CDH12: variants seen among roughly 807,000 people sequenced by gnomAD.
CDH12 encodes cadherin-12.
In CDH12, 41 loss-of-function variants were observed where a neutral mutation model predicts 74.1. The observed-to-expected ratio is 0.55, with a 90% confidence interval of 0.43 to 0.72. The LOEUF (loss-of-function observed/expected upper bound fraction) is 0.72. Among genes scored for constraint, CDH12 ranks in the 30% least tolerant of loss-of-function variants. The pLI is 0.00. For missense variants in CDH12, 945 were observed against 977.2 expected (o/e 0.97, Z 0.44); for synonymous variants, 399 against 355.0 (o/e 1.12, Z -1.39).
chr5:22,357,757 G>T (rs2150470412), intron 3 of CDH12, among the ~76,000 whole-genome samples: 1 of 152,120 alleles, frequency 6.6e-6, no homozygotes, highest in East Asian at 1.9e-4. Flanking sequence ...TTTTCCCTCA[G>T]GTGGAGAATA....
At chr5:22,664,669 C>T (rs1019767051) in intron 1 of CDH12, among the ~76,000 whole-genome samples, 1 of 152,090 alleles carries the variant, frequency 6.6e-6, no homozygotes, top group Non-Finnish European at 1.5e-5. Flanking sequence ...TTCCTGTGTT[C>T]ACTTAAATTC....
chr5:22,276,396 C>T (rs918496312), intron 3 of CDH12, among the ~76,000 whole-genome samples: 1 of 152,092 alleles, frequency 6.6e-6, no homozygotes, highest in South Asian at 2.1e-4. Flanking sequence ...GTTTCAAGCT[C>T]AATATGTCTT....
At chr5:21,833,175 A>ATATATAT (rs1554035485) in intron 8 of CDH12, among the ~76,000 whole-genome samples, 17 of 41,198 alleles carry the variant, frequency 4.1e-4, no homozygotes, top group Admixed American at 9.0e-4. Flanking sequence ...TATATTATAA[A>ATATATAT]TATATATTAT....
At chr5:22,375,249 G>C (rs1741470861) in intron 3 of CDH12, among the ~76,000 whole-genome samples, 1 of 152,038 alleles carries the variant, frequency 6.6e-6, no homozygotes, top group Non-Finnish European at 1.5e-5. Flanking sequence ...ATAAGCAGAA[G>C]AATGAAAATG....
chr5:22,565,282 C>T (rs748164418), intron 1 of CDH12, among the ~76,000 whole-genome samples: 4 of 152,146 alleles, frequency 2.6e-5, no homozygotes, highest in Non-Finnish European at 5.9e-5. Flanking sequence ...ATTGCTGGGT[C>T]ATATGATAGT....
At chr5:22,466,429 T>G (rs1205523416) in intron 2 of CDH12, among the ~76,000 whole-genome samples, 1 of 151,780 alleles carries the variant, frequency 6.6e-6, no homozygotes, top group Non-Finnish European at 1.5e-5. Flanking sequence ...GCAAAAAAGG[T>G]GAGTATGTAT....
chr5:21,888,283 T>C (rs943354188), intron 6 of CDH12, among the ~76,000 whole-genome samples: 2 of 152,208 alleles, frequency 1.3e-5, no homozygotes, highest in Non-Finnish European at 2.9e-5. Context: ...AATTTTTTCA[T>C]ATGAAACTTA....
intron 3 of CDH12, among the ~76,000 whole-genome samples, chr5:22,325,980 A>G (rs1739079964): frequency 6.6e-6 from 1 of 152,186 alleles, no homozygotes; most frequent in Non-Finnish European, 1.5e-5. Context: ...TCATTGGATT[A>G]ATGAGTGAAA....
At chr5:22,204,251 T>C (rs1751091803) in intron 4 of CDH12, among the ~76,000 whole-genome samples, 1 of 149,672 alleles carries the variant, frequency 6.7e-6, no homozygotes, top group Admixed American at 6.7e-5. Context: ...CAGCTCCGCC[T>C]CGGGGTTCAC....
chr5:21,837,556 T>C (rs188172691), intron 8 of CDH12, among the ~76,000 whole-genome samples: 2 of 151,940 alleles, frequency 1.3e-5, no homozygotes, highest in East Asian at 3.9e-4. Context: ...ATGTATGGAA[T>C]AGATTTTGTT....
intron 4 of CDH12, among the ~76,000 whole-genome samples, chr5:22,180,494 TTTTG>T (rs201336838): frequency 0.34 from 51,571 of 151,374 alleles, 9,027 homozygotes; most frequent in South Asian, 0.4. Context: ...TTTGATTTTT[TTTTG>T]TTTATTTTTT....
At chr5:22,287,497 G>A (rs1332079878) in intron 3 of CDH12, among the ~76,000 whole-genome samples, 1 of 151,960 alleles carries the variant, frequency 6.6e-6, no homozygotes, top group Non-Finnish European at 1.5e-5. Flanking sequence ...GGCCGAGGCG[G>A]GCGGATCACA....
intron 1 of CDH12, among the ~76,000 whole-genome samples, chr5:22,811,458 C>A (rs1749146153): frequency 6.6e-6 from 1 of 152,050 alleles, no homozygotes; most frequent in African/African-American, 2.4e-5. Flanking sequence ...ATAGTCATAC[C>A]ACCCTTGTTT....
chr5:22,766,230 G>T (rs1284533467), intron 1 of CDH12, among the ~76,000 whole-genome samples: 11 of 151,928 alleles, frequency 7.2e-5, no homozygotes, highest in African/African-American at 2.2e-4. Flanking sequence ...CTTAAAATTT[G>T]CATACCACTC....
chr5:22,338,565 A>T (rs1739700628), intron 3 of CDH12, among the ~76,000 whole-genome samples: 1 of 152,282 alleles, frequency 6.6e-6, no homozygotes, highest in African/African-American at 2.4e-5. Flanking sequence ...ATTTAAAAAT[A>T]ACTAAAAGTT....
At chr5:22,595,271 C>G (rs994991678) in intron 1 of CDH12, among the ~76,000 whole-genome samples, 1 of 151,940 alleles carries the variant, frequency 6.6e-6, no homozygotes, top group African/African-American at 2.4e-5. Context: ...ACTTATGAAC[C>G]CAGAAAACAC....
intron 8 of CDH12, among the ~76,000 whole-genome samples, chr5:21,841,209 A>C (rs1341809253): frequency 2.0e-5 from 3 of 151,544 alleles, no homozygotes. Flanking sequence ...ATATGAACAG[A>C]CACTTCTCAA....
intron 4 of CDH12, among the ~76,000 whole-genome samples, chr5:22,153,419 T>C (rs563771394): frequency 2.0e-5 from 3 of 151,966 alleles, no homozygotes; most frequent in African/African-American, 7.2e-5. Context: ...TTAACCACAT[T>C]GCTTGTTTTT....
At chr5:21,891,091 T>C (rs1470551508) in intron 6 of CDH12, among the ~76,000 whole-genome samples, 1 of 152,124 alleles carries the variant, frequency 6.6e-6, no homozygotes, top group African/African-American at 2.4e-5. Context: ...TCCAAAGGAA[T>C]GACCCACCAG....
Sources: allele counts gnomAD v4.1 joint callset (sites outside exome capture counted in the v4.1 genomes callset), GRCh38; gene constraint gnomAD v4.1.1; transcripts MANE v1.5; gene names NCBI Gene and HGNC (gene_info 2026-07-23, HGNC 2026-07-21).